NKAIN2: variants seen among roughly 807,000 people sequenced by gnomAD.
NKAIN2 encodes the protein sodium/potassium transporting ATPase interacting 2.
In NKAIN2, 14 loss-of-function variants were observed where a neutral mutation model predicts 32.6. That is an observed-to-expected ratio of 0.43 (90% CI 0.28 to 0.67). The LOEUF is 0.67. NKAIN2 is among the 30% of genes least tolerant of loss of function. The pLI is 0.17. For missense variants in NKAIN2, 198 were observed against 258.3 expected (o/e 0.77, Z 1.60); for synonymous variants, 80 against 87.2 (o/e 0.92, Z 0.46).
chr6:124,050,055 T>TCAC (rs1400100506), intron 1 of NKAIN2, among the ~76,000 whole-genome samples: 13 of 152,112 alleles, frequency 8.5e-5, no homozygotes, highest in African/African-American at 3.1e-4. Context: ...GCGTGTAGTA[T>TCAC]ATATGGGGTT....
At chr6:124,101,526 T>C (rs1784888988) in intron 1 of NKAIN2, among the ~76,000 whole-genome samples, 1 of 152,178 alleles carries the variant, frequency 6.6e-6, no homozygotes, top group African/African-American at 2.4e-5. Context: ...GGAGTATCAT[T>C]TCTATTAATT....
At chr6:124,282,881 A>G in intron 1 of NKAIN2, 124 bp from the exon 2 acceptor site, 2 of 804,064 alleles carry the variant, frequency 2.5e-6, no homozygotes, top group African/African-American at 1.7e-5. Context: ...GTTAAAGACA[A>G]ATGCCAGATA....
At chr6:124,634,075 A>T (rs1783678182) in intron 3 of NKAIN2, among the ~76,000 whole-genome samples, 1 of 151,384 alleles carries the variant, frequency 6.6e-6, no homozygotes. Flanking sequence ...CCCAATGAAC[A>T]CCATAGATAC....
At chr6:124,530,125 C>G (rs139407413) in intron 3 of NKAIN2, among the ~76,000 whole-genome samples, 1 of 152,308 alleles carries the variant, frequency 6.6e-6, no homozygotes, top group East Asian at 1.9e-4. Flanking sequence ...GGGCCCTGCA[C>G]TGTCAAAAAT....
At chr6:123,806,529 C>A (rs1773220758) in intron 1 of NKAIN2, among the ~76,000 whole-genome samples, 1 of 151,968 alleles carries the variant, frequency 6.6e-6, no homozygotes, top group Non-Finnish European at 1.5e-5. Flanking sequence ...TTGCAAAGCC[C>A]TGCACTAAAA....
chr6:124,259,924 T>G (rs1794152332), intron 1 of NKAIN2, among the ~76,000 whole-genome samples: 1 of 152,210 alleles, frequency 6.6e-6, no homozygotes, highest in Non-Finnish European at 1.5e-5. Context: ...GATTTCTGCT[T>G]TCTGACAAAG....
At chr6:124,411,524 G>A (rs1286874379) in intron 3 of NKAIN2, among the ~76,000 whole-genome samples, 6 of 152,228 alleles carry the variant, frequency 3.9e-5, no homozygotes, top group Admixed American at 2.6e-4. Flanking sequence ...GTCTCTTCTG[G>A]CTTGTAGAGT....
intron 3 of NKAIN2, among the ~76,000 whole-genome samples, chr6:124,405,594 G>A (rs562269776): frequency 2.4e-4 from 36 of 149,992 alleles, no homozygotes; most frequent in Non-Finnish European, 4.4e-4. Flanking sequence ...TGCCCAGGCA[G>A]GTCTCAAACT....
intron 1 of NKAIN2, among the ~76,000 whole-genome samples, chr6:124,217,671 G>T (rs987688783): frequency 6.6e-6 from 1 of 151,834 alleles, no homozygotes; most frequent in Admixed American, 6.6e-5. Context: ...TGACATTCTC[G>T]ACTGCATGAA....
At chr6:123,889,214 ATTAG>A (rs58934538) in intron 1 of NKAIN2, among the ~76,000 whole-genome samples, 4,434 of 152,138 alleles carry the variant, frequency 0.029, 202 homozygotes, top group African/African-American at 0.099. Context: ...TCATCATATT[ATTAG>A]TTAGACTAAG....
At chr6:124,586,380 T>C (rs1014495993) in intron 3 of NKAIN2, among the ~76,000 whole-genome samples, 1 of 152,108 alleles carries the variant, frequency 6.6e-6, no homozygotes, top group Non-Finnish European at 1.5e-5. Context: ...TACTTATAAC[T>C]GAGAGCTCAA....
At position 124,198,117 on chromosome 6, in the gene NKAIN2, C is replaced by T. The variant is rs150667420; in HGVS notation, c.55-84888C>T. ...ACTCTAGATATGGGCTACCTTTGCC[C>T]ATAACTCCAATAACTCTAGATATAG... On this transcript the variant is annotated intron_variant, in intron 1 of 6. Coordinates refer to ENST00000368417, the MANE Select transcript of NKAIN2 (RefSeq NM_001040214.3). Among the ~76,000 whole-genome samples the T allele has an allele frequency of 1.6e-3, 249 of 152,074 alleles. 1 individual carries two copies. The highest frequency in any genetic ancestry group is 5.3e-3 in the African/African-American group (221 of 41,508).
intron 1 of NKAIN2, among the ~76,000 whole-genome samples, chr6:124,005,187 T>C (rs982060441): frequency 7.2e-5 from 11 of 152,126 alleles, no homozygotes; most frequent in Admixed American, 2.0e-4. Context: ...ATCTCGCCAT[T>C]GTACTCCAGC....
intron 1 of NKAIN2, among the ~76,000 whole-genome samples, chr6:124,128,072 G>T (rs572072720): frequency 6.6e-6 from 1 of 152,002 alleles, no homozygotes; most frequent in Non-Finnish European, 1.5e-5. Context: ...CAGGTGATCC[G>T]CCCACCTTGG....
At chr6:124,676,244 A>T (rs1452607328) in intron 4 of NKAIN2, among the ~76,000 whole-genome samples, 3 of 151,960 alleles carry the variant, frequency 2.0e-5, no homozygotes, top group Non-Finnish European at 4.4e-5. Flanking sequence ...GTGACCTAAC[A>T]TGTGATTCAT....
chr6:124,415,354 A>G (rs1399652138), intron 3 of NKAIN2, among the ~76,000 whole-genome samples: 2 of 152,106 alleles, frequency 1.3e-5, no homozygotes, highest in Non-Finnish European at 2.9e-5. Flanking sequence ...TCATTCAACA[A>G]CTCATTATAA....
chr6:124,687,741 T>TAAACACAC (rs1392017501), intron 4 of NKAIN2, among the ~76,000 whole-genome samples: 2 of 30,000 alleles, frequency 6.7e-5, no homozygotes, highest in African/African-American at 1.4e-4. Context: ...ATATATGATA[T>TAAACACAC]ATACACACAC....
intron 1 of NKAIN2, among the ~76,000 whole-genome samples, chr6:124,064,366 C>G (rs755974411): frequency 6.6e-6 from 1 of 151,972 alleles, no homozygotes; most frequent in Non-Finnish European, 1.5e-5. Flanking sequence ...TTGGGAATAA[C>G]CATATTAAAT....
intron 1 of NKAIN2, among the ~76,000 whole-genome samples, chr6:123,962,536 A>G (rs1485225397): frequency 1.3e-5 from 2 of 152,128 alleles, no homozygotes; most frequent in African/African-American, 4.8e-5. Context: ...AGGAATTTCT[A>G]CGTTTACTGT....
Sources: allele counts gnomAD v4.1 joint callset (sites outside exome capture counted in the v4.1 genomes callset), GRCh38; gene constraint gnomAD v4.1.1; transcripts MANE v1.5; gene names NCBI Gene and HGNC (gene_info 2026-07-23, HGNC 2026-07-21).